Variants in HS6ST3 observed in about 807,000 individuals in gnomAD.
HS6ST3 encodes heparan-sulfate 6-O-sulfotransferase 3.
HS6ST3 carries 12 observed loss-of-function variants against 36.7 expected under a neutral mutation model. That is an observed-to-expected ratio of 0.33 (90% CI 0.21 to 0.53). The LOEUF (loss-of-function observed/expected upper bound fraction) is 0.53. HS6ST3 is among the 20% of genes least tolerant of loss of function. The probability of loss-of-function intolerance (pLI) is 0.95; values close to 1 mark genes in which losing one functional copy is unlikely to be tolerated. For missense variants in HS6ST3, 584 were observed against 640.9 expected (o/e 0.91, Z 0.96); for synonymous variants, 240 against 257.5 (o/e 0.93, Z 0.65).
chr13:96,382,088 A>G (rs2055344387), intron 1 of HS6ST3, among the ~76,000 whole-genome samples: 2 of 152,094 alleles, frequency 1.3e-5, no homozygotes, highest in South Asian at 4.2e-4. Context: ...AGGGAACAGG[A>G]GCCTGCTACT....
chr13:96,286,640 A>C (rs948771305), intron 1 of HS6ST3, among the ~76,000 whole-genome samples: 14 of 152,168 alleles, frequency 9.2e-5, no homozygotes, highest in Admixed American at 8.5e-4. Context: ...AATTTAGCTT[A>C]GTGTACTTAA....
intron 1 of HS6ST3, among the ~76,000 whole-genome samples, chr13:96,611,065 T>G (rs1175798980): frequency 2.0e-5 from 3 of 151,308 alleles, no homozygotes; most frequent in African/African-American, 7.2e-5. Flanking sequence ...TTCTTTTCAT[T>G]TCTTTCCCTT....
At chr13:96,448,518 A>G (rs2055710327) in intron 1 of HS6ST3, among the ~76,000 whole-genome samples, 1 of 151,802 alleles carries the variant, frequency 6.6e-6, no homozygotes, top group South Asian at 2.1e-4. Context: ...TCTTCTGGGT[A>G]TTTCCAGTGT....
At chr13:96,459,154 T>G (rs1370876244) in intron 1 of HS6ST3, among the ~76,000 whole-genome samples, 1 of 144,474 alleles carries the variant, frequency 6.9e-6, no homozygotes, top group Non-Finnish European at 1.5e-5. Context: ...GTGGAGCATT[T>G]ACAATTTGTA....
At chr13:96,682,136 T>A (rs1033677072) in intron 1 of HS6ST3, among the ~76,000 whole-genome samples, 2 of 152,122 alleles carry the variant, frequency 1.3e-5, no homozygotes, top group African/African-American at 4.8e-5. Flanking sequence ...TCTCAAATAT[T>A]AACTAGTACT....
At chr13:96,510,979 G>A (rs2056047452) in intron 1 of HS6ST3, among the ~76,000 whole-genome samples, 1 of 151,888 alleles carries the variant, frequency 6.6e-6, no homozygotes, top group African/African-American at 2.4e-5. Context: ...TTGTTGCTTT[G>A]ACCACTGCAT....
At chr13:96,691,196 A>C (rs548933602) in intron 1 of HS6ST3, among the ~76,000 whole-genome samples, 105 of 152,256 alleles carry the variant, frequency 6.9e-4, no homozygotes, top group African/African-American at 2.4e-3. Flanking sequence ...TTTAATTTGC[A>C]GCTGCTTCAT....
chr13:96,819,802 C>T (rs1427367969), intron 1 of HS6ST3, among the ~76,000 whole-genome samples: 3 of 152,108 alleles, frequency 2.0e-5, no homozygotes, highest in Non-Finnish European at 4.4e-5. Context: ...ACCTGTAACC[C>T]CAGCACTTTG....
intron 1 of HS6ST3, among the ~76,000 whole-genome samples, chr13:96,699,552 A>G (rs1875228650): frequency 6.6e-6 from 1 of 152,228 alleles, no homozygotes; most frequent in African/African-American, 2.4e-5. Context: ...ATGAGATACC[A>G]TCTCACACCA....
chr13:96,407,058 G>A (rs1301159876), intron 1 of HS6ST3, among the ~76,000 whole-genome samples: 1 of 152,106 alleles, frequency 6.6e-6, no homozygotes, highest in Non-Finnish European at 1.5e-5. Flanking sequence ...TTTATAAAAA[G>A]TTATATCATT....
intron 1 of HS6ST3, among the ~76,000 whole-genome samples, chr13:96,197,758 A>C (rs1477460883): frequency 6.6e-6 from 1 of 152,176 alleles, no homozygotes; most frequent in African/African-American, 2.4e-5. Flanking sequence ...CCAGTGGGGC[A>C]GTCAAATTTT....
At chr13:96,342,285 G>A (rs2055134776) in intron 1 of HS6ST3, among the ~76,000 whole-genome samples, 2 of 152,080 alleles carry the variant, frequency 1.3e-5, no homozygotes, top group Admixed American at 6.6e-5. Context: ...CATATCATTT[G>A]TTATATTTAT....
At chr13:96,353,306 G>A (rs900225064) in intron 1 of HS6ST3, among the ~76,000 whole-genome samples, 1 of 151,920 alleles carries the variant, frequency 6.6e-6, no homozygotes, top group Non-Finnish European at 1.5e-5. Context: ...CTTCATTACT[G>A]AAGATAGTAC....
chr13:96,192,601 GAT>G (rs5805955), intron 1 of HS6ST3, among the ~76,000 whole-genome samples: 128,235 of 147,616 alleles, frequency 0.87, 55,740 homozygotes, highest in Non-Finnish European at 0.91. Context: ...CCATGGGATG[GAT>G]ATATATATAT....
At chr13:96,712,984 T>G (rs535626169) in intron 1 of HS6ST3, among the ~76,000 whole-genome samples, 1 of 152,322 alleles carries the variant, frequency 6.6e-6, no homozygotes, top group Admixed American at 6.5e-5. Context: ...TGACTCCTAC[T>G]GAGTAACATA....
At chr13:96,805,460 ATTACCCAGTCT>A (rs1439175923) in intron 1 of HS6ST3, among the ~76,000 whole-genome samples, 1 of 152,122 alleles carries the variant, frequency 6.6e-6, no homozygotes, top group Non-Finnish European at 1.5e-5. Flanking sequence ...TTCTTTATAA[ATTACCCAGTCT>A]CAGGTAGTTC....
At chr13:96,441,405 C>T (rs950286448) in intron 1 of HS6ST3, among the ~76,000 whole-genome samples, 3 of 151,836 alleles carry the variant, frequency 2.0e-5, no homozygotes, top group African/African-American at 4.8e-5. Flanking sequence ...GGCACAATGA[C>T]GGCTCCTCAC....
intron 1 of HS6ST3, among the ~76,000 whole-genome samples, chr13:96,539,285 G>A (rs1452063349): frequency 1.3e-5 from 2 of 152,022 alleles, no homozygotes; most frequent in Non-Finnish European, 2.9e-5. Flanking sequence ...GAGCTCCAAT[G>A]TGTCTCCATC....
intron 1 of HS6ST3, among the ~76,000 whole-genome samples, chr13:96,659,608 T>C (rs2056639276): frequency 6.6e-6 from 1 of 152,096 alleles, no homozygotes; most frequent in South Asian, 2.1e-4. Flanking sequence ...TCTACTATAA[T>C]AGTTTTTATT....
Sources: gnomAD v4.1 joint callset for allele counts (sites outside exome capture counted in the v4.1 genomes callset) on GRCh38, gnomAD v4.1.1 for gene constraint, MANE v1.5 for transcripts, NCBI Gene and HGNC (gene_info 2026-07-23, HGNC 2026-07-21) for gene names.